Variants in OTP observed in about 807,000 individuals in gnomAD.
The protein encoded by OTP is homeobox protein orthopedia.
OTP carries 5 observed loss-of-function variants against 22.3 expected under a neutral mutation model. That is an observed-to-expected ratio of 0.22 (90% CI 0.12 to 0.47). The LOEUF is 0.47. Ranked by LOEUF, OTP falls within the 20% of genes least tolerant of loss-of-function variation. OTP has a pLI of 0.99. For synonymous variants in OTP, 229 were observed against 210.6 expected (o/e 1.09, Z -0.76); for missense variants, 428 against 456.2 (o/e 0.94, Z 0.56).
At chr5:77,638,270 G>A (rs1745040997) in intron 1 of OTP, among the ~76,000 whole-genome samples, 1 of 148,980 alleles carries the variant, frequency 6.7e-6, no homozygotes, top group Admixed American at 6.7e-5. Flanking sequence ...AAAGGCGGGG[G>A]AGGGGGGAAG....
chr5:77,631,017 CG>C (rs1744921118), intron 2 of OTP, among the ~76,000 whole-genome samples: 1 of 152,244 alleles, frequency 6.6e-6, no homozygotes, highest in Admixed American at 6.5e-5. Flanking sequence ...CGGAGTCCTG[CG>C]CTCCTAAGAG....
intron 2 of OTP, among the ~76,000 whole-genome samples, chr5:77,631,753 C>CG (rs112260049): frequency 0.023 from 3,471 of 151,626 alleles, 132 homozygotes; most frequent in African/African-American, 0.076. Context: ...TTAGTGGAGA[C>CG]GGGGTTTCAC....
In OTP at chr5:77,630,327, G is replaced by T; in HGVS notation, c.915C>A (p.Gly305=). Reference sequence around the variant, plus strand: ...TGCGGCGGAGGGAGGCGATGCTGGTGCCCCGCCACACGTCGCTGCTGTCCG... The same window carrying T: ...TGCGGCGGAGGGAGGCGATGCTGGTTCCCCGCCACACGTCGCTGCTGTCCG... ...SSPDSSDVWR[G]TSIASLRRKA... Residue 305 remains glycine (G), a synonymous_variant, in exon 3 of 3, where the codon GGC becomes GGA. Coordinates refer to ENST00000306422, the MANE Select transcript of OTP (RefSeq NM_032109.3). 1 of 1,566,650 alleles carries T rather than the reference G, an allele frequency of 6.4e-7. No homozygotes were observed.
Position 77,630,620 on chromosome 5 carries a change from G to C in OTP, c.622C>G (p.Arg208Gly). The C allele has an allele frequency of 6.4e-7, 1 of 1,556,444 alleles. No homozygotes were observed. The highest frequency in any genetic ancestry group is 8.6e-7 in the Non-Finnish European group (1 of 1,158,536). Reference protein sequence around the residue: ...SLCSFHANDTRWAAAAMPGVS... With the variant: ...SLCSFHANDTGWAAAAMPGVS... Reference sequence around the variant, plus strand: ...CCAGGCATGGCGGCCGCCGCCCAGCGGGTGTCGTTGGCGTGGAAAGAGCAC... The same window carrying C: ...CCAGGCATGGCGGCCGCCGCCCAGCCGGTGTCGTTGGCGTGGAAAGAGCAC... The change falls in exon 3 of 3, where the codon CGC becomes GGC. Residue 208 changes from arginine to glycine, a missense_variant. Physicochemically the swap from Arg to Gly is moderately radical, Grantham distance 125. Transcript: ENST00000306422.
At chr5:77,635,141 G>T (rs1744987763) in intron 2 of OTP, among the ~76,000 whole-genome samples, 2 of 151,962 alleles carry the variant, frequency 1.3e-5, no homozygotes, top group African/African-American at 4.8e-5. Context: ...GTATATCTAG[G>T]TTAAGACACA....
chr5:77,638,558 G>T lies in OTP; in HGVS notation c.-9C>A, dbSNP rs546131621. On this transcript the variant is annotated 5_prime_UTR_variant, in exon 1 of 3. Transcript: ENST00000306422. ...TCGGCATGAGACAGCATCGCGCACCGCTCCAGGGCGAAAGCTGTTCCCCCC... is the reference window on the plus strand; with the variant it reads ...TCGGCATGAGACAGCATCGCGCACCTCTCCAGGGCGAAAGCTGTTCCCCCC... 1.4e-4 allele frequency: 217 copies of T among 1,560,084 alleles called. No homozygotes were observed. The highest frequency in any genetic ancestry group is 1.8e-4 in the Non-Finnish European group (208 of 1,158,122).
intron 1 of OTP, among the ~76,000 whole-genome samples, chr5:77,637,740 C>T (rs1190233753): frequency 1.3e-5 from 2 of 152,168 alleles, no homozygotes; most frequent in African/African-American, 4.8e-5. Flanking sequence ...CCGAAATCAA[C>T]CCAAATCAGC....
At chr5:77,637,764 C>T (rs1453523523) in intron 1 of OTP, among the ~76,000 whole-genome samples, 1 of 152,174 alleles carries the variant, frequency 6.6e-6, no homozygotes, top group South Asian at 2.1e-4. Flanking sequence ...GCCTCCCCCT[C>T]AAATCAGAGA....
intron 1 of OTP, among the ~76,000 whole-genome samples, chr5:77,637,678 GC>G (rs1349235846): frequency 2.6e-5 from 4 of 152,174 alleles, no homozygotes; most frequent in Non-Finnish European, 5.9e-5. Context: ...CCGGCCCTCA[GC>G]CGATTCCCTC....
rs1363381742 is a variant in OTP, at chr5:77,633,246, G to C, written c.448-2452C>G. On this transcript the variant is annotated intron_variant, in intron 2 of 2. Transcript: ENST00000306422. The stretch of plus-strand genomic sequence containing the variant: ...GATCTGCTCAGGCACAGGCGGAAAA[G>C]AACAGCTGTTAAAGAACTAAATATT... 2.0e-5 allele frequency among the ~76,000 whole-genome samples: 3 copies of C among 152,082 alleles called. No homozygotes were observed. The South Asian group carries it at 6.2e-4, about 32-fold the overall frequency.
At position 77,638,551 on chromosome 5, in the gene OTP, G is replaced by C; in HGVS notation, c.-2C>G. The C allele has an allele frequency of 1.3e-6, 2 of 1,568,866 alleles. No homozygotes were observed. The highest frequency in any genetic ancestry group is 1.7e-6 in the Non-Finnish European group (2 of 1,161,438). On this transcript the variant is annotated 5_prime_UTR_variant, in exon 1 of 3. Transcript: ENST00000306422. ...CAGGAGGTCGGCATGAGACAGCATC[G>C]CGCACCGCTCCAGGGCGAAAGCTGT...
At chr5:77,636,788 T>G (rs1324921303) in intron 2 of OTP, 33 bp downstream of exon 2, 2 of 1,582,326 alleles carry the variant, frequency 1.3e-6, no homozygotes, top group Non-Finnish European at 1.7e-6. Context: ...GCCCTGTCCT[T>G]GCCTTCTGTC....
rs1424606108 is a variant in OTP, at chr5:77,632,199, T to C, written c.448-1405A>G. 2.0e-5 allele frequency among the ~76,000 whole-genome samples: 3 copies of C among 152,138 alleles called. No homozygotes were observed. The East Asian group carries it at 5.8e-4, about 29-fold the overall frequency. ...ACCCTCTATCACAGAAGAAGAGTTC[T>C]GCCTGAAAGATATCACATAAGCTGC... On this transcript the variant is annotated intron_variant, in intron 2 of 2. Coordinates refer to ENST00000306422, the MANE Select transcript of OTP (RefSeq NM_032109.3).
Position 77,630,226 on chromosome 5 carries a change from G to A in OTP, c.*38C>T. Reference sequence around the variant, plus strand: ...GAAGGGCCTCGGGGCGGCCCCCGGGGCGGTGCTGGGGGCGGAGCGGGCCGG... The same window carrying A: ...GAAGGGCCTCGGGGCGGCCCCCGGGACGGTGCTGGGGGCGGAGCGGGCCGG... On this transcript the variant is annotated 3_prime_UTR_variant, in exon 3 of 3. Coordinates refer to ENST00000306422, the MANE Select transcript of OTP (RefSeq NM_032109.3). 2 of 1,392,014 alleles carry A rather than the reference G, an allele frequency of 1.4e-6. No individual in the cohort carries two copies. Among genetic ancestry groups the A allele is most frequent in the Non-Finnish European group, 1.9e-6 (2 of 1,067,108 alleles). The allele number at this position is 1,392,014 out of a possible 1,614,324, so 86.2% of individuals were successfully genotyped here. A position where few individuals can be genotyped will look rare whatever the true frequency, so the allele number is the denominator to read the frequency against.
intron 2 of OTP, 180 bp downstream of exon 2, chr5:77,636,641 T>G: frequency 1.8e-5 from 11 of 596,188 alleles, no homozygotes; most frequent in East Asian, 5.9e-5. Flanking sequence ...TGCGTGTCCA[T>G]TGGGGGATGG....
chr5:77,632,687 C>T (rs757387021), intron 2 of OTP, among the ~76,000 whole-genome samples: 2 of 152,174 alleles, frequency 1.3e-5, no homozygotes, highest in Non-Finnish European at 2.9e-5. Context: ...CCGTCGCCTA[C>T]CACTTTCTTC....
At position 77,638,630 on chromosome 5, in the gene OTP, G is replaced by A. The variant is rs1036638518; in HGVS notation, c.-81C>T. The A allele has an allele frequency of 6.8e-6, 9 of 1,332,676 alleles. No individual in the cohort carries two copies. Among genetic ancestry groups the A allele is most frequent in the Non-Finnish European group, 9.1e-6 (9 of 987,114 alleles). The allele number at this position is 1,332,676 out of a possible 1,614,324, so 82.6% of individuals were successfully genotyped here. Reference sequence around the variant, plus strand: ...TATTTAAAATAGATATAAGCTATAAGCTATACGATATAGATATATATAGAT... The same window carrying A: ...TATTTAAAATAGATATAAGCTATAAACTATACGATATAGATATATATAGAT... On this transcript the variant is annotated 5_prime_UTR_variant, in exon 1 of 3. Coordinates refer to ENST00000306422, the MANE Select transcript of OTP (RefSeq NM_032109.3).
At chr5:77,634,049 G>T (rs938423818) in intron 2 of OTP, among the ~76,000 whole-genome samples, 1 of 152,182 alleles carries the variant, frequency 6.6e-6, no homozygotes, top group Non-Finnish European at 1.5e-5. Flanking sequence ...GGGCCATTCT[G>T]GGGGACACGG....
At chr5:77,637,613 A>G (rs1745030191) in intron 1 of OTP, among the ~76,000 whole-genome samples, 1 of 152,182 alleles carries the variant, frequency 6.6e-6, no homozygotes, top group African/African-American at 2.4e-5. Flanking sequence ...AGAAAATTAA[A>G]CAATTCCTCG....
Sources: gnomAD v4.1 joint callset for allele counts (sites outside exome capture counted in the v4.1 genomes callset) on GRCh38, gnomAD v4.1.1 for gene constraint, MANE v1.5 for transcripts, NCBI Gene and HGNC (gene_info 2026-07-23, HGNC 2026-07-21) for gene names.